SLC37A2: variants seen among roughly 807,000 people sequenced by gnomAD.
The protein encoded by SLC37A2 is glucose-6-phosphate exchanger SLC37A2.
SLC37A2 carries 59 observed loss-of-function variants against 70.7 expected under a neutral mutation model. That is an observed-to-expected ratio of 0.83 (90% CI 0.68 to 1.04). SLC37A2 has a LOEUF of 1.04. Among genes scored for constraint, SLC37A2 ranks in the 50% least tolerant of loss-of-function variants. SLC37A2 has a pLI of 0.00. For synonymous variants in SLC37A2, 257 were observed against 262.1 expected (o/e 0.98, Z 0.19); for missense variants, 580 against 658.1 (o/e 0.88, Z 1.30).
intron 1 of SLC37A2, among the ~76,000 whole-genome samples, chr11:125,075,418 G>T (rs1207944677): frequency 1.3e-5 from 2 of 152,218 alleles, no homozygotes; most frequent in Non-Finnish European, 2.9e-5. Flanking sequence ...TAGACAACTT[G>T]AGTCCCTAGA....
At chr11:125,069,702 C>G (rs1329886817) in intron 1 of SLC37A2, among the ~76,000 whole-genome samples, 1 of 152,258 alleles carries the variant, frequency 6.6e-6, no homozygotes, top group Non-Finnish European at 1.5e-5. Context: ...GTAGCTCCAG[C>G]TGGTAGGAAC....
In SLC37A2 at chr11:125,088,149, C is replaced by T; in HGVS notation, c.*15C>T. ...AAGAAATATGAGGCCCCAATTGGAA[C>T]AGCAGCATGGAGGGTCCCAGTTGGG... is the stretch of plus-strand genomic sequence containing the variant. On this transcript the variant is annotated 3_prime_UTR_variant, in exon 18 of 18. Transcript: ENST00000403796. 1 of 1,551,808 alleles carries T rather than the reference C, an allele frequency of 6.4e-7. No homozygotes were observed. Among genetic ancestry groups the T allele is most frequent in the Non-Finnish European group, 8.7e-7 (1 of 1,147,038 alleles).
chr11:125,070,035 T>TCCCATAAGCA (rs1166723668), intron 1 of SLC37A2, among the ~76,000 whole-genome samples: 1 of 152,228 alleles, frequency 6.6e-6, no homozygotes, highest in East Asian at 1.9e-4. Flanking sequence ...TGGGCCCATT[T>TCCCATAAGCA]CCTGGGGCCC....
At chr11:125,075,125 G>A (rs1204883884) in intron 1 of SLC37A2, among the ~76,000 whole-genome samples, 1 of 152,222 alleles carries the variant, frequency 6.6e-6, no homozygotes, top group Non-Finnish European at 1.5e-5. Flanking sequence ...AGTGAGAGGT[G>A]CCACGCAAAG....
chr11:125,084,324 G>T lies in SLC37A2; in HGVS notation c.1125+5G>T. 1.2e-6 allele frequency: 2 copies of T among 1,614,128 alleles called. No individual in the cohort carries two copies. The highest frequency in any genetic ancestry group is 1.7e-6 in the Non-Finnish European group (2 of 1,179,960). On this transcript the variant is annotated splice_donor_5th_base_variant and intron_variant, in intron 12 of 17. Transcript: ENST00000403796. ...CTCATCTTGGCTGCCCCCATGGTGCGTATAACCCCGAGGGTGAAGTGCGAA... is the reference window on the plus strand; with the variant it reads ...CTCATCTTGGCTGCCCCCATGGTGCTTATAACCCCGAGGGTGAAGTGCGAA...
Position 125,088,273 on chromosome 11 carries a change from A to T in SLC37A2, c.*139A>T. Reference sequence around the variant, plus strand: ...CATTAGCCAGCCCAGCCCAGACCCCAGGGCTGCCTAAGGACACAGAGATTC... The same window carrying T: ...CATTAGCCAGCCCAGCCCAGACCCCTGGGCTGCCTAAGGACACAGAGATTC... On this transcript the variant is annotated 3_prime_UTR_variant, in exon 18 of 18. Coordinates refer to ENST00000403796, the MANE Select transcript of SLC37A2 (RefSeq NM_001145290.2). The T allele has an allele frequency of 3.2e-6, 3 of 943,062 alleles. No homozygotes were observed. The highest frequency in any genetic ancestry group is 4.8e-6 in the Non-Finnish European group (3 of 621,416). The allele number at this position is 943,062 out of a possible 1,614,324, so 58.4% of individuals were successfully genotyped here.
At chr11:125,071,046 A>G (rs1949024643) in intron 1 of SLC37A2, among the ~76,000 whole-genome samples, 1 of 152,208 alleles carries the variant, frequency 6.6e-6, no homozygotes, top group Admixed American at 6.5e-5. Context: ...CCAAAGTAAC[A>G]GCAGAATTGA....
At position 125,089,729 on chromosome 11, in the gene SLC37A2, C is replaced by T; in HGVS notation, c.*1595C>T. 6.5e-6 allele frequency: 1 copy of T among 153,614 alleles called. No individual in the cohort carries two copies. Among genetic ancestry groups the T allele is most frequent in the East Asian group, 1.9e-4 (1 of 5,244 alleles). The allele number at this position is 153,614 out of a possible 1,614,324, so 9.5% of individuals were successfully genotyped here. Reference sequence around the variant, plus strand: ...TTTCTCGCTGGGCCTTAGCTGCCTTCCCGCGGGGCAGGGCTCGGGACCTGC... The same window carrying T: ...TTTCTCGCTGGGCCTTAGCTGCCTTTCCGCGGGGCAGGGCTCGGGACCTGC... On this transcript the variant is annotated 3_prime_UTR_variant, in exon 18 of 18. Coordinates refer to ENST00000403796, the MANE Select transcript of SLC37A2 (RefSeq NM_001145290.2).
At chr11:125,078,975 C>A (rs1047453459) in intron 4 of SLC37A2, 137 bp from the exon 5 acceptor site, 4 of 1,090,812 alleles carry the variant, frequency 3.7e-6, no homozygotes, top group African/African-American at 3.1e-5. Context: ...AGGTTGGCCC[C>A]GTCACATGGC....
At position 125,084,402 on chromosome 11, in the gene SLC37A2, G is replaced by A. The variant is rs557812419; in HGVS notation, c.1125+83G>A. On this transcript the variant is annotated intron_variant, in intron 12 of 17. Coordinates refer to ENST00000403796, the MANE Select transcript of SLC37A2 (RefSeq NM_001145290.2). ...CTCTGGCCTATGTGCACGTCCACGC[G>A]TTACACACATTGATGTCGCTGTGTA... 1.2e-3 allele frequency: 1,552 copies of A among 1,333,722 alleles called. 2 individuals carry two copies. The highest frequency in any genetic ancestry group is 2.8e-3 in the Admixed American group (159 of 57,468). 82.6% of individuals were successfully genotyped at this position (1,333,722 alleles called of 1,614,324 possible). A position where few individuals can be genotyped will look rare whatever the true frequency, so the allele number is the denominator to read the frequency against.
Position 125,063,305 on chromosome 11 carries a change from G to T in SLC37A2, c.-63G>T. On this transcript the variant is annotated 5_prime_UTR_variant, in exon 1 of 18. Transcript: ENST00000403796. The surrounding 1 kb of genome is among the most constrained non-coding windows in gnomAD (Gnocchi z 5.4). ...ACCCCGCTGACAGCCAGTCCAGCCC[G>T]GGACACGCGCCCAGCTCTGTAGCCT... The T allele has an allele frequency of 6.8e-7, 1 of 1,470,756 alleles. No individual in the cohort carries two copies. The highest frequency in any genetic ancestry group is 9.4e-7 in the Non-Finnish European group (1 of 1,066,106). The allele number at this position is 1,470,756 out of a possible 1,614,324, so 91.1% of individuals were successfully genotyped here. A position where few individuals can be genotyped will look rare whatever the true frequency, so the allele number is the denominator to read the frequency against.
rs1349122181 is a variant in SLC37A2, at chr11:125,077,101, C to T, written c.142-129C>T. The T allele has an allele frequency of 3.7e-6, 3 of 804,648 alleles. No individual in the cohort carries two copies. In the Admixed American group the frequency reaches 6.9e-5, roughly 19 times the overall value. 49.8% of individuals were successfully genotyped at this position (804,648 alleles called of 1,614,324 possible). A position where few individuals can be genotyped will look rare whatever the true frequency, so the allele number is the denominator to read the frequency against. ...TGCTTTCCCCTGCAGCCAGTTCCTGCAGGAGGAGGTGCCAGTAGCGGGGAC... is the reference window on the plus strand; with the variant it reads ...TGCTTTCCCCTGCAGCCAGTTCCTGTAGGAGGAGGTGCCAGTAGCGGGGAC... On this transcript the variant is annotated intron_variant, in intron 2 of 17. Transcript: ENST00000403796.
At chr11:125,069,846 G>A (rs1227922629) in intron 1 of SLC37A2, among the ~76,000 whole-genome samples, 1 of 152,228 alleles carries the variant, frequency 6.6e-6, no homozygotes, top group East Asian at 1.9e-4. Flanking sequence ...CTCCTGTTAG[G>A]CCTTCCTCGT....
Position 125,085,065 on chromosome 11 carries a change from G to A in SLC37A2, c.1175-1G>A. On this transcript the variant is annotated splice_acceptor_variant, in intron 13 of 17. Transcript: ENST00000403796. LOFTEE classifies it high-confidence loss of function. The stretch of plus-strand genomic sequence containing the variant: ...GACTGGCTGTCTCTATGCTGTCCCA[G>A]TGATGCTGATCATCTGTGGGGGCCT... 6.2e-7 allele frequency: 1 copy of A among 1,614,048 alleles called. No individual in the cohort carries two copies. The highest frequency in any genetic ancestry group is 2.2e-5 in the East Asian group (1 of 44,870).
chr11:125,076,823 T>C lies in SLC37A2; in HGVS notation c.126T>C (p.Pro42=). The C allele has an allele frequency of 6.2e-7, 1 of 1,614,162 alleles. No individual in the cohort carries two copies. Among genetic ancestry groups the C allele is most frequent in the African/African-American group, 1.3e-5 (1 of 75,044 alleles). Residue 42 remains proline, a synonymous_variant, in exon 2 of 18, where the codon CCT becomes CCC. Coordinates refer to ENST00000403796, the MANE Select transcript of SLC37A2 (RefSeq NM_001145290.2). Reference sequence around the variant, plus strand: ...CCTGCTATCACATGTCCAGGAAGCCTATCAGTATCGTCAAGGTGAGGCTGG... The same window carrying C: ...CCTGCTATCACATGTCCAGGAAGCCCATCAGTATCGTCAAGGTGAGGCTGG... The part of the protein sequence containing the change: ...IYACYHMSRK[P]ISIVKSRLHQ...
chr11:125,077,091 C>T, intron 2 of SLC37A2, 139 bp from the exon 3 acceptor site: 1 of 777,774 alleles, frequency 1.3e-6, no homozygotes, highest in Non-Finnish European at 2.1e-6. Context: ...TCCCCTGCAG[C>T]CAGTTCCTGC....
intron 10 of SLC37A2, 99 bp downstream of exon 10, chr11:125,082,433 A>G: frequency 8.1e-6 from 8 of 984,476 alleles, no homozygotes; most frequent in Non-Finnish European, 1.1e-5. Context: ...TGATTCCAGT[A>G]TATAGGCAGA....
chr11:125,086,539 C>T (rs1949217496), intron 17 of SLC37A2: 1 of 439,862 alleles, frequency 2.3e-6, no homozygotes, highest in Non-Finnish European at 4.2e-6. Context: ...CAGTTTCCCT[C>T]TGAGCTGCGA....
At chr11:125,072,655 G>A (rs539573991) in intron 1 of SLC37A2, among the ~76,000 whole-genome samples, 4 of 152,312 alleles carry the variant, frequency 2.6e-5, no homozygotes, top group Non-Finnish European at 2.9e-5. Flanking sequence ...TGAAACCTGC[G>A]GGTTCTAAAC....
Sources: allele counts gnomAD v4.1 joint callset (sites outside exome capture counted in the v4.1 genomes callset), GRCh38; gene constraint gnomAD v4.1.1; non-coding constraint Gnocchi (gnomAD v3.1); transcripts MANE v1.5; gene names NCBI Gene and HGNC (gene_info 2026-07-23, HGNC 2026-07-21).